The following RYK variants were observed in gnomAD, a reference collection of about 807,000 sequenced individuals.
The protein encoded by RYK is inactive tyrosine-protein kinase RYK.
Under a neutral mutation model 70.2 loss-of-function variants are expected in RYK, and 21 were observed. That is an observed-to-expected ratio of 0.30 (90% CI 0.21 to 0.43). The LOEUF (loss-of-function observed/expected upper bound fraction) is 0.43. RYK is among the 20% of genes least tolerant of loss of function. The pLI, the probability that RYK is intolerant of heterozygous loss-of-function variation, is 1.00. For synonymous variants in RYK, 267 were observed against 278.0 expected (o/e 0.96, Z 0.39); for missense variants, 604 against 753.3 (o/e 0.80, Z 2.32).
At chr3:134,229,511 T>A (rs557819459) in intron 1 of RYK, among the ~76,000 whole-genome samples, 3 of 151,682 alleles carry the variant, frequency 2.0e-5, no homozygotes, top group Non-Finnish European at 4.4e-5. Context: ...TAAAACCTTA[T>A]CAAAATTTAA....
intron 4 of RYK, among the ~76,000 whole-genome samples, chr3:134,209,218 G>A (rs926527651): frequency 1.1e-4 from 16 of 152,134 alleles, no homozygotes; most frequent in African/African-American, 3.9e-4. Flanking sequence ...TCTGAAACAG[G>A]TATTATGCCC....
intron 6 of RYK, among the ~76,000 whole-genome samples, chr3:134,199,781 G>A (rs1366215592): frequency 1.3e-5 from 2 of 152,124 alleles, no homozygotes; most frequent in African/African-American, 4.8e-5. Context: ...AGTGAGAGGT[G>A]AAGCTGGCTG....
chr3:134,188,274 C>T lies in RYK; in HGVS notation c.1102+563G>A, dbSNP rs2013536504. ...CTCTCGGGTTCAAGCAATTCTCACACCTCAGCCTTCTGAGTAGCTGGGATT... is the reference window on the plus strand; with the variant it reads ...CTCTCGGGTTCAAGCAATTCTCACATCTCAGCCTTCTGAGTAGCTGGGATT... On this transcript the variant is annotated intron_variant, in intron 9 of 14. Coordinates refer to ENST00000623711, the MANE Select transcript of RYK (RefSeq NM_002958.4). Among the ~76,000 whole-genome samples, 3 of 151,512 alleles carry T rather than the reference C, an allele frequency of 2.0e-5. No individual in the cohort carries two copies. The South Asian group carries it at 6.2e-4, about 31-fold the overall frequency.
chr3:134,201,863 A>C (rs1386367771), intron 6 of RYK, among the ~76,000 whole-genome samples: 1 of 152,230 alleles, frequency 6.6e-6, no homozygotes, highest in Non-Finnish European at 1.5e-5. Flanking sequence ...TCAGGCAGCA[A>C]CTGGAAATCA....
At chr3:134,177,806 T>C (rs553928044) in intron 11 of RYK, 135 bp downstream of exon 11, 16 of 716,696 alleles carry the variant, frequency 2.2e-5, no homozygotes, top group African/African-American at 5.5e-5. Context: ...AGGTTATAAA[T>C]ATCTTGTGGT....
At chr3:134,210,397 AT>A (rs34286141) in intron 3 of RYK, among the ~76,000 whole-genome samples, 12,584 of 152,202 alleles carry the variant, frequency 0.083, 1,096 homozygotes, top group South Asian at 0.32. Flanking sequence ...AGTGCATATA[AT>A]TTTTTTCCCC....
At chr3:134,196,222 G>T (rs1425196505) in intron 6 of RYK, among the ~76,000 whole-genome samples, 2 of 151,980 alleles carry the variant, frequency 1.3e-5, no homozygotes, top group Admixed American at 1.3e-4. Flanking sequence ...GGTACATTTC[G>T]GTCTCACTGC....
intron 10 of RYK, 173 bp from the exon 11 acceptor site, chr3:134,178,246 C>CCCCTATATATGTGCATATAT (rs1436953056): frequency 1.8e-6 from 1 of 549,336 alleles, no homozygotes; most frequent in Non-Finnish European, 3.1e-6. Flanking sequence ...ACTTAAGTGT[C>CCCCTATATATGTGCATATAT]CCCTATATAT....
At chr3:134,225,872 C>CAAAA (rs71304288) in intron 1 of RYK, among the ~76,000 whole-genome samples, 8 of 136,580 alleles carry the variant, frequency 5.9e-5, no homozygotes, top group Non-Finnish European at 1.1e-4. Context: ...ATAAAAAGAT[C>CAAAA]AAAAAAAAAA....
rs1425167041 is a variant in RYK, at chr3:134,200,224, C to T, written c.788+2506G>A. Among the ~76,000 whole-genome samples, 5 of 152,110 alleles carry T rather than the reference C, an allele frequency of 3.3e-5. No individual in the cohort carries two copies. In the South Asian group the frequency reaches 6.2e-4, roughly 19 times the overall value. ...CTTGCTGCTGCTCACTCTTTGGGTCCGCACTACCTTTATGAGCTGTAACAC... is the reference window on the plus strand; with the variant it reads ...CTTGCTGCTGCTCACTCTTTGGGTCTGCACTACCTTTATGAGCTGTAACAC... On this transcript the variant is annotated intron_variant, in intron 6 of 14. Coordinates refer to ENST00000623711, the MANE Select transcript of RYK (RefSeq NM_002958.4).
intron 11 of RYK, among the ~76,000 whole-genome samples, chr3:134,176,864 C>T (rs1037752515): frequency 2.4e-4 from 37 of 151,870 alleles, no homozygotes; most frequent in African/African-American, 8.9e-4. Flanking sequence ...TCCTGGCTAC[C>T]ACGGTGAAAC....
intron 10 of RYK, chr3:134,180,110 C>G (rs1292231874): frequency 6.6e-6 from 1 of 152,068 alleles, no homozygotes; most frequent in Non-Finnish European, 1.5e-5. Flanking sequence ...AGAACTGCCT[C>G]TAATTCTCAG....
At chr3:134,192,793 A>C (rs2013687309) in intron 7 of RYK, among the ~76,000 whole-genome samples, 1 of 152,186 alleles carries the variant, frequency 6.6e-6, no homozygotes, top group Admixed American at 6.5e-5. Context: ...CCACATGAAA[A>C]GTTTTGGGCA....
At position 134,182,986 on chromosome 3, in the gene RYK, TG is replaced by T; in HGVS notation, c.1172+15del. 6.5e-7 allele frequency: 1 copy of T among 1,544,924 alleles called. No homozygotes were observed. The highest frequency in any genetic ancestry group is 8.8e-7 in the Non-Finnish European group (1 of 1,136,576). On this transcript the variant is annotated intron_variant, in intron 10 of 14. Transcript: ENST00000623711. ...GCCATGCTCAACACTGAAATGCTGG[TG>T]GTTTCTCCTCTCACCTGTGATGAAG...
chr3:134,162,219 G>A (rs72984488), intron 13 of RYK, among the ~76,000 whole-genome samples: 2,569 of 149,690 alleles, frequency 0.017, 64 homozygotes, highest in African/African-American at 0.06. Flanking sequence ...GGTACTGGGG[G>A]TTAGGGCTTC....
At chr3:134,226,647 G>A (rs2014918921) in intron 1 of RYK, among the ~76,000 whole-genome samples, 1 of 151,990 alleles carries the variant, frequency 6.6e-6, no homozygotes, top group South Asian at 2.1e-4. Flanking sequence ...AACACATCAT[G>A]ACCAACTATA....
At chr3:134,199,404 G>A (rs2013916907) in intron 6 of RYK, among the ~76,000 whole-genome samples, 1 of 152,220 alleles carries the variant, frequency 6.6e-6, no homozygotes, top group African/African-American at 2.4e-5. Context: ...CACAGCAAGT[G>A]TTTTATACAA....
intron 9 of RYK, among the ~76,000 whole-genome samples, chr3:134,186,593 C>T (rs919569490): frequency 3.3e-5 from 5 of 152,164 alleles, no homozygotes; most frequent in African/African-American, 4.8e-5. Context: ...CTCTTATTTC[C>T]GCACAGCTCA....
chr3:134,181,614 A>C (rs576250535), intron 10 of RYK: 2 of 152,326 alleles, frequency 1.3e-5, no homozygotes, highest in South Asian at 4.1e-4. Flanking sequence ...GAACTGTCTA[A>C]AGTATACAGA....
Sources: allele counts gnomAD v4.1 joint callset (sites outside exome capture counted in the v4.1 genomes callset), GRCh38; gene constraint gnomAD v4.1.1; transcripts MANE v1.5; gene names NCBI Gene and HGNC (gene_info 2026-07-23, HGNC 2026-07-21).